MYO3A: variants seen among roughly 807,000 people sequenced by gnomAD.
MYO3A encodes myosin-IIIa.
Under a neutral mutation model 192.7 loss-of-function variants are expected in MYO3A, and 180 were observed. That is an observed-to-expected ratio of 0.93 (90% CI 0.83 to 1.06). The LOEUF (loss-of-function observed/expected upper bound fraction) is 1.06. MYO3A is among the 50% of genes least tolerant of loss of function. MYO3A has a pLI of 0.00. For synonymous variants in MYO3A, 628 were observed against 645.3 expected, an observed-to-expected ratio of 0.97 and a Z score of 0.41; for missense variants, 1,896 against 1,905.0, an observed-to-expected ratio of 1.00 and a Z score of 0.09.
At chr10:25,984,960 G>A (rs985297886) in intron 4 of MYO3A, among the ~76,000 whole-genome samples, 2 of 152,242 alleles carry the variant, frequency 1.3e-5, no homozygotes, top group African/African-American at 4.8e-5. Flanking sequence ...GTCTGAGGCC[G>A]GGCTTGCTGG....
At chr10:26,019,133 C>T (rs1210764805) in intron 7 of MYO3A, among the ~76,000 whole-genome samples, 1 of 152,058 alleles carries the variant, frequency 6.6e-6, no homozygotes, top group African/African-American at 2.4e-5. Context: ...TTAACATTCA[C>T]TCCTCATCTT....
chr10:26,004,092 A>G (rs1306497900), intron 6 of MYO3A, among the ~76,000 whole-genome samples: 1 of 152,216 alleles, frequency 6.6e-6, no homozygotes, highest in Non-Finnish European at 1.5e-5. Context: ...ATGGGAGTCC[A>G]GGTGCAGCTC....
intron 4 of MYO3A, among the ~76,000 whole-genome samples, chr10:25,980,497 A>G (rs1839262908): frequency 6.6e-6 from 1 of 152,190 alleles, no homozygotes; most frequent in Admixed American, 6.5e-5. Flanking sequence ...TCTTAATCAA[A>G]AGTATTACAT....
At chr10:25,982,706 A>G (rs1049694877) in intron 4 of MYO3A, among the ~76,000 whole-genome samples, 2 of 152,112 alleles carry the variant, frequency 1.3e-5, no homozygotes, top group African/African-American at 4.8e-5. Flanking sequence ...AATAACTACA[A>G]TTTGGGTATT....
chr10:26,123,127 A>C (rs916994931), intron 18 of MYO3A, among the ~76,000 whole-genome samples: 6 of 152,186 alleles, frequency 3.9e-5, no homozygotes, highest in Admixed American at 1.3e-4. Context: ...GAGAGACTGG[A>C]ATTGATTTAT....
chr10:26,036,235 A>G (rs1010558897), intron 10 of MYO3A, among the ~76,000 whole-genome samples: 2 of 151,748 alleles, frequency 1.3e-5, no homozygotes, highest in Non-Finnish European at 2.9e-5. Context: ...CACTGCGCCC[A>G]GCCCCCTAAG....
At chr10:26,079,946 T>G (rs980147570) in intron 14 of MYO3A, among the ~76,000 whole-genome samples, 2 of 152,190 alleles carry the variant, frequency 1.3e-5, no homozygotes, top group Admixed American at 6.5e-5. Context: ...TCACAGCTCT[T>G]AAGATTCTTT....
At position 26,060,246 on chromosome 10, in the gene MYO3A, C is replaced by T. The variant is rs565651720; in HGVS notation, c.954-6729C>T. On this transcript the variant is annotated intron_variant, in intron 10 of 34. Transcript: ENST00000642920. ...TGCACTACAGCCTGGGCAACAGGAG[C>T]GAAACTCCATCTCAATAAATAAATA... Among the ~76,000 whole-genome samples the T allele has an allele frequency of 4.7e-5, 7 of 150,350 alleles. No individual in the cohort carries two copies. The East Asian group carries it at 9.7e-4, about 21-fold the overall frequency.
At chr10:26,090,433 T>C (rs1490667311) in intron 15 of MYO3A, among the ~76,000 whole-genome samples, 1 of 152,226 alleles carries the variant, frequency 6.6e-6, no homozygotes, top group African/African-American at 2.4e-5. Context: ...TTAAGTAGTT[T>C]TTTTCCCCCT....
At chr10:26,037,606 C>T (rs956714686) in intron 10 of MYO3A, among the ~76,000 whole-genome samples, 1 of 152,158 alleles carries the variant, frequency 6.6e-6, no homozygotes, top group Non-Finnish European at 1.5e-5. Flanking sequence ...CTTTTCCCCA[C>T]TGTATGGTCT....
chr10:26,182,782 T>G (rs950453265), intron 31 of MYO3A, among the ~76,000 whole-genome samples: 1 of 152,236 alleles, frequency 6.6e-6, no homozygotes, highest in African/African-American at 2.4e-5. Context: ...GCTGTATCCA[T>G]AGTTGGTGGG....
intron 10 of MYO3A, among the ~76,000 whole-genome samples, chr10:26,060,084 T>C (rs71492527): frequency 0.47 from 71,063 of 150,786 alleles, 17,670 homozygotes; most frequent in Middle Eastern, 0.59. Flanking sequence ...GTAGAGAAAC[T>C]CCATCTCTAC....
At chr10:25,937,185 C>T (rs537058155) in intron 2 of MYO3A, among the ~76,000 whole-genome samples, 2 of 152,346 alleles carry the variant, frequency 1.3e-5, no homozygotes, top group South Asian at 2.1e-4. Context: ...CAAGACAGCT[C>T]TTGCAACTGC....
intron 4 of MYO3A, among the ~76,000 whole-genome samples, chr10:25,970,432 C>A (rs1161295653): frequency 6.6e-6 from 1 of 151,852 alleles, no homozygotes; most frequent in East Asian, 1.9e-4. Context: ...GTGTAGAATG[C>A]ATTTAAGCAG....
rs542002441 is a variant in MYO3A, at chr10:26,009,698, G to A, written c.509-7122G>A. ...GCTACCAAGTGTGCTTCTCTATGAT[G>A]TGATAACTTCAGGTAAACCAAGAGG... On this transcript the variant is annotated intron_variant, in intron 6 of 34. Transcript: ENST00000642920. Among the ~76,000 whole-genome samples, 14 of 152,320 alleles carry A rather than the reference G, an allele frequency of 9.2e-5. No individual in the cohort carries two copies. In the South Asian group the frequency reaches 2.9e-3, roughly 32 times the overall value.
At chr10:26,017,654 A>G (rs1235440074) in intron 7 of MYO3A, among the ~76,000 whole-genome samples, 1 of 151,970 alleles carries the variant, frequency 6.6e-6, no homozygotes, top group Non-Finnish European at 1.5e-5. Context: ...TTATTTGAAT[A>G]CTTGTTTAAT....
At chr10:25,934,610 T>G (rs1352807022) in intron 1 of MYO3A, among the ~76,000 whole-genome samples, 1 of 115,298 alleles carries the variant, frequency 8.7e-6, no homozygotes, top group African/African-American at 3.4e-5. Flanking sequence ...ATGGGAGAGC[T>G]CGAGGGGAGG....
intron 6 of MYO3A, among the ~76,000 whole-genome samples, chr10:26,009,377 G>A (rs913778733): frequency 1.3e-5 from 2 of 152,070 alleles, no homozygotes; most frequent in East Asian, 3.8e-4. Flanking sequence ...AAAACTTAAA[G>A]TATAATAATA....
intron 4 of MYO3A, among the ~76,000 whole-genome samples, chr10:25,990,666 C>T (rs937642754): frequency 8.1e-5 from 10 of 123,914 alleles, no homozygotes; most frequent in Non-Finnish European, 1.1e-4. Context: ...CCCCCCTCCC[C>T]CCACCCCACA....
Sources: gnomAD v4.1 joint callset for allele counts (sites outside exome capture counted in the v4.1 genomes callset) on GRCh38, gnomAD v4.1.1 for gene constraint, MANE v1.5 for transcripts, NCBI Gene and HGNC (gene_info 2026-07-23, HGNC 2026-07-21) for gene names.